ASIC2: variants seen among roughly 807,000 people sequenced by gnomAD.
The protein encoded by ASIC2 is acid sensing ion channel subunit 2.
ASIC2 carries 25 observed loss-of-function variants against 57.3 expected under a neutral mutation model. The ratio of observed to expected loss-of-function variants is 0.44; its 90% CI spans 0.32 to 0.61. The LOEUF is 0.61. Among genes scored for constraint, ASIC2 ranks in the 20% least tolerant of loss-of-function variants. The probability of loss-of-function intolerance (pLI) is 0.06; values close to 1 mark genes in which losing one functional copy is unlikely to be tolerated. For synonymous variants in ASIC2, 319 were observed against 307.5 expected, an observed-to-expected ratio of 1.04 and a Z score of -0.39; for missense variants, 641 against 738.1, an observed-to-expected ratio of 0.87 and a Z score of 1.52.
At chr17:33,604,924 C>T (rs112664312) in intron 1 of ASIC2, among the ~76,000 whole-genome samples, 1 of 152,258 alleles carries the variant, frequency 6.6e-6, no homozygotes, top group African/African-American at 2.4e-5. Flanking sequence ...TAGTTAGAAT[C>T]AGACCCCAGC....
intron 1 of ASIC2, among the ~76,000 whole-genome samples, chr17:33,574,913 G>A (rs1014491683): frequency 3.3e-5 from 5 of 151,362 alleles, no homozygotes; most frequent in Admixed American, 6.6e-5. Context: ...TTATAGATGA[G>A]GAAAATGAAT....
At chr17:33,716,790 T>C (rs1308709315) in intron 1 of ASIC2, among the ~76,000 whole-genome samples, 1 of 152,236 alleles carries the variant, frequency 6.6e-6, no homozygotes, top group African/African-American at 2.4e-5. Context: ...TTGAATATCA[T>C]TGTATGGATT....
intron 1 of ASIC2, among the ~76,000 whole-genome samples, chr17:34,061,287 C>A (rs1188498585): frequency 6.6e-6 from 1 of 152,118 alleles, no homozygotes; most frequent in Non-Finnish European, 1.5e-5. Flanking sequence ...AATTTTCAGA[C>A]AAAGAAATGT....
intron 1 of ASIC2, among the ~76,000 whole-genome samples, chr17:33,477,489 G>A (rs1438652927): frequency 1.3e-5 from 2 of 152,174 alleles, no homozygotes; most frequent in East Asian, 1.9e-4. Context: ...ATAAATGAAG[G>A]CATAGCATTA....
chr17:33,046,602 C>T (rs1490610187), intron 3 of ASIC2, among the ~76,000 whole-genome samples: 1 of 152,118 alleles, frequency 6.6e-6, no homozygotes, highest in Non-Finnish European at 1.5e-5. Context: ...CCCCTCCAGC[C>T]ATGCTCCCCC....
At chr17:34,105,471 T>C (rs1335679379) in intron 1 of ASIC2, among the ~76,000 whole-genome samples, 2 of 133,832 alleles carry the variant, frequency 1.5e-5, no homozygotes, top group East Asian at 2.1e-4. Context: ...ATTATTTCCT[T>C]TCATCTACCT....
chr17:34,024,698 G>A (rs993535561), intron 1 of ASIC2, among the ~76,000 whole-genome samples: 1 of 152,208 alleles, frequency 6.6e-6, no homozygotes, highest in African/African-American at 2.4e-5. Flanking sequence ...AACCTGGCCA[G>A]CGTGGGGAGG....
At chr17:33,084,556 T>G (rs1368626827) in intron 3 of ASIC2, among the ~76,000 whole-genome samples, 1 of 152,252 alleles carries the variant, frequency 6.6e-6, no homozygotes, top group Non-Finnish European at 1.5e-5. Flanking sequence ...GAACAAGTTA[T>G]TCAACCACGC....
chr17:33,939,377 T>G (rs1916136267), intron 1 of ASIC2, among the ~76,000 whole-genome samples: 1 of 152,322 alleles, frequency 6.6e-6, no homozygotes. Context: ...ATCTCTTGGC[T>G]CTAGGCCTGG....
Position 34,156,692 on chromosome 17 carries a change from C to G in ASIC2, c.-160G>C. 1.4e-6 allele frequency: 1 copy of G among 703,302 alleles called. No homozygotes were observed. The highest frequency in any genetic ancestry group is 3.0e-5 in the Admixed American group (1 of 33,500). 43.6% of individuals were successfully genotyped at this position (703,302 alleles called of 1,614,324 possible). On this transcript the variant is annotated 5_prime_UTR_variant, in exon 1 of 10. Transcript: ENST00000359872. The surrounding 1 kb of genome is among the most constrained non-coding windows in gnomAD (Gnocchi z 4.4). ...AGTTTATCCTGAGAGCCCAGCCGCA[C>G]GCTGACAGGGGTGAGTGTTTATATA... is the stretch of plus-strand genomic sequence containing the variant.
At chr17:33,710,444 G>A (rs923106689) in intron 1 of ASIC2, among the ~76,000 whole-genome samples, 2 of 152,230 alleles carry the variant, frequency 1.3e-5, no homozygotes, top group Non-Finnish European at 2.9e-5. Context: ...CAACCACTCT[G>A]TAGGAGCTAT....
At chr17:33,538,471 C>CCTTTTTT (rs1915308217) in intron 1 of ASIC2, among the ~76,000 whole-genome samples, 1 of 152,150 alleles carries the variant, frequency 6.6e-6, no homozygotes, top group East Asian at 1.9e-4. Flanking sequence ...AGACTTACAG[C>CCTTTTTT]ATGGAGGAGA....
At chr17:33,448,692 T>A (rs931713823) in intron 1 of ASIC2, among the ~76,000 whole-genome samples, 4 of 152,186 alleles carry the variant, frequency 2.6e-5, no homozygotes, top group Non-Finnish European at 1.5e-5. Flanking sequence ...GAAACAGGCT[T>A]CAGACTTCTG....
intron 1 of ASIC2, among the ~76,000 whole-genome samples, chr17:33,747,045 G>A (rs1161723138): frequency 2.0e-5 from 3 of 152,136 alleles, no homozygotes; most frequent in Non-Finnish European, 2.9e-5. Context: ...TCTCCTCTGT[G>A]AAACGGGTAA....
At chr17:33,236,452 A>G (rs1443527244) in intron 1 of ASIC2, among the ~76,000 whole-genome samples, 2 of 151,990 alleles carry the variant, frequency 1.3e-5, no homozygotes, top group African/African-American at 4.8e-5. Context: ...CAAGTTATCC[A>G]CTAGCCTCAG....
intron 1 of ASIC2, among the ~76,000 whole-genome samples, chr17:33,758,937 G>A (rs1293820670): frequency 1.3e-5 from 2 of 148,350 alleles, no homozygotes; most frequent in Non-Finnish European, 3.0e-5. Context: ...AAAAAAAATG[G>A]TATTGAGAAG....
chr17:34,032,335 C>A (rs1388019315), intron 1 of ASIC2, among the ~76,000 whole-genome samples: 19 of 152,158 alleles, frequency 1.2e-4, no homozygotes, highest in East Asian at 1.9e-4. Context: ...CACCACCAGG[C>A]CTGCCCTACA....
chr17:33,700,078 A>T (rs1295267426), intron 1 of ASIC2, among the ~76,000 whole-genome samples: 1 of 152,158 alleles, frequency 6.6e-6, no homozygotes, highest in Non-Finnish European at 1.5e-5. Flanking sequence ...AACTAGCTTG[A>T]ATTTTTAGCA....
At chr17:33,735,277 C>T (rs191443053) in intron 1 of ASIC2, among the ~76,000 whole-genome samples, 1 of 152,278 alleles carries the variant, frequency 6.6e-6, no homozygotes, top group Non-Finnish European at 1.5e-5. Context: ...TGCTCTAGTC[C>T]TTGTGTGGGA....
Sources: gnomAD v4.1 joint callset for allele counts (sites outside exome capture counted in the v4.1 genomes callset) on GRCh38, gnomAD v4.1.1 for gene constraint, Gnocchi (gnomAD v3.1) non-coding constraint, MANE v1.5 for transcripts, NCBI Gene and HGNC (gene_info 2026-07-23, HGNC 2026-07-21) for gene names.